The following SYCP2L variants were observed in gnomAD, a reference collection of about 807,000 sequenced individuals.
SYCP2L encodes the protein synaptonemal complex protein 2-like.
Under a neutral mutation model 125.8 loss-of-function variants are expected in SYCP2L, and 98 were observed. That is an observed-to-expected ratio of 0.78 (90% CI 0.66 to 0.92). The LOEUF (loss-of-function observed/expected upper bound fraction) is 0.92, where lower values mean the gene tolerates loss of function less well. SYCP2L is among the 40% of genes least tolerant of loss of function. The pLI, the probability that SYCP2L is intolerant of heterozygous loss-of-function variation, is 0.00. For synonymous variants in SYCP2L, 317 were observed against 325.4 expected (o/e 0.97, Z 0.28); for missense variants, 842 against 936.4 (o/e 0.90, Z 1.32).
At chr6:10,947,635 A>T (rs1037237320) in intron 23 of SYCP2L, among the ~76,000 whole-genome samples, 1 of 152,102 alleles carries the variant, frequency 6.6e-6, no homozygotes, top group African/African-American at 2.4e-5. Context: ...TTATTAGGTC[A>T]AATAATTTAT....
intron 23 of SYCP2L, among the ~76,000 whole-genome samples, chr6:10,952,314 C>A (rs1341967732): frequency 6.6e-6 from 1 of 152,180 alleles, no homozygotes; most frequent in Non-Finnish European, 1.5e-5. Context: ...CGAGCACTGC[C>A]ACTTCGAAGA....
Position 10,912,895 on chromosome 6 carries a change from C to G in SYCP2L, c.1040C>G (p.Pro347Arg). 1.9e-6 allele frequency: 3 copies of G among 1,613,784 alleles called. No homozygotes were observed. The South Asian group carries it at 3.3e-5, about 18-fold the overall frequency. ...ACTCTATGGGACTCAGTGACACTTC[C>G]GAAGGAAGCGGTGATGAATTTCAGC... The part of the protein sequence containing the change: ...ENTLWDSVTL[P>R]KEAVMNFSIT... The change falls in exon 14 of 30, where the codon CCG becomes CGG. Residue 347 changes from proline (P) to arginine (R), a missense_variant. Coordinates refer to ENST00000283141, the MANE Select transcript of SYCP2L (RefSeq NM_001040274.3). This position sits in a 1 kb window ranked among gnomAD's most constrained non-coding sequence, Gnocchi z 4.1.
chr6:10,961,518 T>A lies in SYCP2L; in HGVS notation c.2374T>A (p.Ser792Thr), dbSNP rs1781593648. Residue 792 changes from serine (S) to threonine (T), a missense_variant, in exon 28 of 30, where the codon TCT (serine) becomes ACT (threonine). Physicochemically the swap from Ser to Thr is moderately conservative, Grantham distance 58. Coordinates refer to ENST00000283141, the MANE Select transcript of SYCP2L (RefSeq NM_001040274.3). ...KEVLEFWGKQSADLQSFCDLQ... is the reference protein window; with the variant it reads ...KEVLEFWGKQTADLQSFCDLQ... ...ATCTTAGGAATTCTGGGGGAAACAG[T>A]CTGCTGATCTGCAATCTTTCTGTGA... 1 of 1,614,092 alleles carries A rather than the reference T, an allele frequency of 6.2e-7. No individual in the cohort carries two copies.
rs115567710 is a variant in SYCP2L at position 10,957,376 on chromosome 6, G to A, written c.2163+1134G>A. On this transcript the variant is annotated intron_variant, in intron 25 of 29. Transcript: ENST00000283141. ...TATTCCATGTCCATTTGCCCCAGTGGGACCAAGTGGACCTATGTGTAAATC... is the reference window on the plus strand; with the variant it reads ...TATTCCATGTCCATTTGCCCCAGTGAGACCAAGTGGACCTATGTGTAAATC... 6.4e-3 allele frequency among the ~76,000 whole-genome samples: 967 copies of A among 152,222 alleles called. 5 individuals are homozygous for A. The highest frequency in any genetic ancestry group is 9.7e-3 in the Non-Finnish European group (663 of 68,018).
intron 21 of SYCP2L, among the ~76,000 whole-genome samples, chr6:10,941,961 A>G (rs889964316): frequency 2.6e-5 from 4 of 151,922 alleles, no homozygotes; most frequent in African/African-American, 4.9e-5. Context: ...ACACCATGGA[A>G]TACTATGCAG....
intron 29 of SYCP2L, among the ~76,000 whole-genome samples, chr6:10,971,178 G>C: frequency 6.6e-6 from 1 of 152,128 alleles, no homozygotes; most frequent in East Asian, 1.9e-4. Flanking sequence ...CTTACTGAAA[G>C]ATAGGGGGTC....
rs780947910 is a variant in SYCP2L, at chr6:10,906,009, A to G, written c.642-11A>G. On this transcript the variant is annotated splice_polypyrimidine_tract_variant and intron_variant, in intron 8 of 29. Coordinates refer to ENST00000283141, the MANE Select transcript of SYCP2L (RefSeq NM_001040274.3). The stretch of plus-strand genomic sequence containing the variant: ...CACTTCAGTTAAATGTGATTTATCT[A>G]AATGTTTCAGGAAAGACCTTGCAAG... 3 of 1,591,008 alleles carry G rather than the reference A, an allele frequency of 1.9e-6. No individual in the cohort carries two copies. The highest frequency in any genetic ancestry group is 1.7e-6 in the Non-Finnish European group (2 of 1,162,788).
rs1470713383 is a variant in SYCP2L at position 10,887,122 on chromosome 6, T to A, written c.-5T>A. 1.2e-6 allele frequency: 2 copies of A among 1,614,102 alleles called. No individual in the cohort carries two copies. The highest frequency in any genetic ancestry group is 3.3e-5 in the Admixed American group (2 of 60,024). ...GCGTCGCTTCAGGAACGAAGAAGCC[T>A]CGTTATGCAAGCGGTGAGTGACCCC... On this transcript the variant is annotated 5_prime_UTR_variant, in exon 1 of 30. Transcript: ENST00000283141.
At chr6:10,924,662 G>T in intron 15 of SYCP2L, 21 bp downstream of exon 15, 1 of 1,508,578 alleles carries the variant, frequency 6.6e-7, no homozygotes, top group Non-Finnish European at 8.8e-7. Flanking sequence ...TCATTCTTTT[G>T]GATTATTTAA....
intron 26 of SYCP2L, 47 bp from the exon 27 acceptor site, chr6:10,961,258 C>A: frequency 2.0e-6 from 3 of 1,470,672 alleles, no homozygotes; most frequent in South Asian, 1.2e-5. Context: ...AGTCTGCTGT[C>A]ACATCCAAGC....
chr6:10,948,573 A>G (rs1393570611), intron 23 of SYCP2L, among the ~76,000 whole-genome samples: 3 of 152,050 alleles, frequency 2.0e-5, no homozygotes, highest in Non-Finnish European at 2.9e-5. Context: ...ACCTCATTTG[A>G]TTGTGGTACA....
At chr6:10,890,821 T>C (rs971428006) in intron 1 of SYCP2L, among the ~76,000 whole-genome samples, 1 of 152,168 alleles carries the variant, frequency 6.6e-6, no homozygotes, top group African/African-American at 2.4e-5. Flanking sequence ...GGATCTTAAG[T>C]GTAAGCTTTT....
intron 1 of SYCP2L, 90 bp from the exon 2 acceptor site, chr6:10,891,423 T>C (rs1406350183): frequency 1.7e-6 from 1 of 586,810 alleles, no homozygotes; most frequent in East Asian, 5.3e-5. Context: ...CTTTAATTTT[T>C]TTTTTTTTTT....
chr6:10,900,986 A>G (rs1780367258), intron 6 of SYCP2L, among the ~76,000 whole-genome samples: 1 of 151,970 alleles, frequency 6.6e-6, no homozygotes. Flanking sequence ...TTTTCACTGA[A>G]TTTCTTCTCA....
rs763178734 is a variant in SYCP2L at position 10,958,850 on chromosome 6, CTT to C, written c.2233_2234del (p.Leu745LysfsTer10). The C allele has an allele frequency of 4.3e-6, 7 of 1,613,974 alleles. No individual in the cohort carries two copies. The Admixed American group carries it at 1.2e-4, about 27-fold the overall frequency. The part of the protein sequence containing the change: ...AKKAPDCLIK[L>X]LNQMQLFRLN... ...GAAAGCACCGGATTGCCTAATAAAACTTTTAAACCAGATGCAACTGTTCAGGT... is the reference window on the plus strand; with the variant it reads ...GAAAGCACCGGATTGCCTAATAAAACTTAAACCAGATGCAACTGTTCAGGT... On this transcript the variant is annotated frameshift_variant, in exon 26 of 30. Transcript: ENST00000283141. LOFTEE classifies it high-confidence loss of function.
intron 21 of SYCP2L, among the ~76,000 whole-genome samples, chr6:10,941,218 A>G (rs1001248116): frequency 5.9e-5 from 9 of 152,218 alleles, no homozygotes; most frequent in Non-Finnish European, 1.0e-4. Flanking sequence ...AACCTCAGCA[A>G]TACCATTCAG....
At chr6:10,901,310 G>A (rs1446883813) in intron 6 of SYCP2L, among the ~76,000 whole-genome samples, 3 of 152,188 alleles carry the variant, frequency 2.0e-5, no homozygotes, top group African/African-American at 7.2e-5. Flanking sequence ...CATGGTCAGA[G>A]CTTTTCATCG....
At chr6:10,898,560 T>A (rs1428305605) in intron 5 of SYCP2L, among the ~76,000 whole-genome samples, 1 of 152,202 alleles carries the variant, frequency 6.6e-6, no homozygotes, top group East Asian at 1.9e-4. Flanking sequence ...ATTATTAATA[T>A]GTGATATAGT....
chr6:10,973,046 C>T (rs948656724), intron 29 of SYCP2L, among the ~76,000 whole-genome samples: 1 of 152,220 alleles, frequency 6.6e-6, no homozygotes, highest in Non-Finnish European at 1.5e-5. Context: ...AGATAGGTAA[C>T]TAGTCATGTC....
Sources: gnomAD v4.1 joint callset for allele counts (sites outside exome capture counted in the v4.1 genomes callset) on GRCh38, gnomAD v4.1.1 for gene constraint, Gnocchi (gnomAD v3.1) non-coding constraint, MANE v1.5 for transcripts, NCBI Gene and HGNC (gene_info 2026-07-23, HGNC 2026-07-21) for gene names.